The following NTN5 variants were observed in gnomAD, a reference collection of about 807,000 sequenced individuals.
The protein encoded by NTN5 is netrin-5.
A neutral mutation model predicts 38.7 loss-of-function variants in NTN5; 42 were observed. The ratio of observed to expected loss-of-function variants is 1.08; its 90% confidence interval spans 0.85 to 1.40. The LOEUF (loss-of-function observed/expected upper bound fraction) is 1.40, where lower values mean the gene tolerates loss of function less well. NTN5 is among the 40% of genes most tolerant of loss of function. The pLI, the probability that NTN5 is intolerant of heterozygous loss-of-function variation, is 0.00. For missense variants in NTN5, 658 were observed against 716.5 expected (o/e 0.92, Z 0.93); for synonymous variants, 329 against 303.9 (o/e 1.08, Z -0.86).
chr19:48,670,926 C>G lies in NTN5; in HGVS notation c.61G>C (p.Asp21His). 1 of 1,593,984 alleles carries G rather than the reference C, an allele frequency of 6.3e-7. No individual in the cohort carries two copies. Residue 21 changes from aspartate to histidine, a missense_variant, in exon 2 of 7, where the codon GAT becomes CAT. Physicochemically the swap from Asp to His is moderately conservative, Grantham distance 81. Transcript: ENST00000270235. The stretch of plus-strand genomic sequence containing the variant: ...CAGAATTGGGGGCGGCCCTGTGGAT[C>G]GTAGCATGGGTCCGCAGTGGCCTGG... The part of the protein sequence containing the change: ...LGQATADPCY[D>H]PQGRPQFCLP...
intron 2 of NTN5, among the ~76,000 whole-genome samples, chr19:48,669,545 A>AT: frequency 1.7e-5 from 1 of 58,854 alleles, no homozygotes; most frequent in Non-Finnish European, 3.5e-5. Context: ...CACCATCACC[A>AT]CCACCACCAT....
At chr19:48,669,138 T>TCAC (rs2031793612) in intron 2 of NTN5, among the ~76,000 whole-genome samples, 1 of 57,784 alleles carries the variant, frequency 1.7e-5, no homozygotes, top group African/African-American at 7.7e-5. Context: ...CATCATCATA[T>TCAC]CACCATCATC....
chr19:48,671,112 C>G, intron 1 of NTN5, 106 bp from the exon 2 acceptor site: 1 of 757,558 alleles, frequency 1.3e-6, no homozygotes, highest in Non-Finnish European at 2.0e-6. Context: ...CCGTCCAGGC[C>G]CCCTCCCCGG....
chr19:48,671,939 G>A (rs958129973), intron 1 of NTN5, among the ~76,000 whole-genome samples: 1 of 152,036 alleles, frequency 6.6e-6, no homozygotes, highest in African/African-American at 2.4e-5. Flanking sequence ...GCTTGGGAGC[G>A]GGACAGTGGG....
At chr19:48,667,907 G>A (rs2031747151) in intron 2 of NTN5, among the ~76,000 whole-genome samples, 1 of 150,944 alleles carries the variant, frequency 6.6e-6, no homozygotes, top group East Asian at 1.9e-4. Flanking sequence ...CATGGGAGGT[G>A]GAGAGGGAAG....
chr19:48,669,233 A>G (rs1601211048), intron 2 of NTN5, among the ~76,000 whole-genome samples: 1 of 28,768 alleles, frequency 3.5e-5, no homozygotes, highest in Non-Finnish European at 6.2e-5. Flanking sequence ...CACGACCATC[A>G]TCACCACCAC....
In NTN5 at chr19:48,670,873, G is replaced by A. The variant is rs146497712; in HGVS notation, c.114C>T (p.Ala38=). The part of the protein sequence containing the change: ...FCLPPVTQLA[A]VAASCPQACA... ...AGGCCTGAGGGCAGGAGGCCGCCAC[G>A]GCAGCCAGCTGTGTCACTGGCGGGA... Residue 38 remains alanine, a synonymous_variant, in exon 2 of 7, where the codon GCC becomes GCT. Coordinates refer to ENST00000270235, the MANE Select transcript of NTN5 (RefSeq NM_145807.4). 167 of 1,611,226 alleles carry A rather than the reference G, an allele frequency of 1.0e-4. 3 individuals are homozygous for A. In the Middle Eastern group the frequency reaches 1.2e-3, roughly 11 times the overall value.
intron 6 of NTN5, 132 bp downstream of exon 6, chr19:48,663,331 A>G: frequency 1.2e-6 from 1 of 846,906 alleles, no homozygotes. Flanking sequence ...TTTCTAGATC[A>G]GGAAGGGGTT....
intron 2 of NTN5, among the ~76,000 whole-genome samples, chr19:48,669,591 C>A (rs796704982): frequency 7.8e-5 from 1 of 12,864 alleles, no homozygotes. Flanking sequence ...ACCACGACCA[C>A]CATCACCACC....
In NTN5 at chr19:48,670,585, C is replaced by A. The variant is rs547097875; in HGVS notation, c.402G>T (p.Ala134=). 3.2e-6 allele frequency: 5 copies of A among 1,574,734 alleles called. No homozygotes were observed. The East Asian group carries it at 1.2e-4, about 37-fold the overall frequency. ...CAAACTCCACACGGAGGTGGCTGGC[C>A]GCCACAGTGGCCTTAGGACCTGGTG... ...HSTPGPKATV[A]ASHLRVEFGG... Residue 134 remains alanine, a synonymous_variant, in exon 2 of 7, where the codon GCG becomes GCT. Transcript: ENST00000270235.
intron 2 of NTN5, among the ~76,000 whole-genome samples, chr19:48,665,868 C>CT (rs2031691734): frequency 6.6e-6 from 1 of 152,090 alleles, no homozygotes; most frequent in Admixed American, 6.6e-5. Flanking sequence ...GAATCAGACC[C>CT]TTTTAGCCTT....
chr19:48,669,498 C>T (rs796984896), intron 2 of NTN5, among the ~76,000 whole-genome samples: 1 of 71,994 alleles, frequency 1.4e-5, no homozygotes, highest in African/African-American at 5.8e-5. Context: ...ACCATCACCA[C>T]CACCACGACC....
chr19:48,670,966 G>A lies in NTN5; in HGVS notation c.21C>T (p.Leu7=). MPVTFA[L]LLLLGQATAD... The stretch of plus-strand genomic sequence containing the variant: ...CAGTGGCCTGGCCCAGGAGGAGCAG[G>A]AGGGCAAAGGTCACGGGCATGGTCA... The change falls in exon 2 of 7, where the codon CTC becomes CTT. Residue 7 remains leucine, a synonymous_variant. Transcript: ENST00000270235. 1.3e-6 allele frequency: 2 copies of A among 1,543,106 alleles called. No individual in the cohort carries two copies. Among genetic ancestry groups the A allele is most frequent in the Non-Finnish European group, 1.7e-6 (2 of 1,144,508 alleles).
Position 48,670,867 on chromosome 19 carries a change from C to T in NTN5, c.120G>A (p.Ala40=), listed in dbSNP as rs777606668. The change falls in exon 2 of 7, where the codon GCG becomes GCA. Residue 40 remains alanine (A), a synonymous_variant. Transcript: ENST00000270235. ...LPPVTQLAAV[A]ASCPQACALS... The stretch of plus-strand genomic sequence containing the variant: ...GGGCACAGGCCTGAGGGCAGGAGGC[C>T]GCCACGGCAGCCAGCTGTGTCACTG... 1.2e-4 allele frequency: 189 copies of T among 1,611,058 alleles called. No individual in the cohort carries two copies. The highest frequency in any genetic ancestry group is 1.6e-4 in the Middle Eastern group (1 of 6,066).
intron 4 of NTN5, 22 bp downstream of exon 4, chr19:48,664,121 G>A (rs1205917610): frequency 6.3e-7 from 1 of 1,592,316 alleles, no homozygotes; most frequent in South Asian, 1.1e-5. Context: ...TCAGGCTTGT[G>A]GCCTGGCCCC....
Position 48,661,977 on chromosome 19 carries a change from G to C in NTN5, c.1170C>G (p.Arg390=). Residue 390 remains arginine, a synonymous_variant, in exon 7 of 7, where the codon CGC becomes CGG. Coordinates refer to ENST00000270235, the MANE Select transcript of NTN5 (RefSeq NM_145807.4). ...CCCGCTGCTTGTAAACGGCCAGCAC[G>C]CGCACGGCCAGCCGCTGCCATGCCG... The part of the protein sequence containing the change: ...AGPAWQRLAV[R]VLAVYKQRAQ... 1 of 1,476,994 alleles carries C rather than the reference G, an allele frequency of 6.8e-7. No homozygotes were observed. The highest frequency in any genetic ancestry group is 8.9e-7 in the Non-Finnish European group (1 of 1,121,412). The allele number at this position is 1,476,994 out of a possible 1,614,324, so 91.5% of individuals were successfully genotyped here.
chr19:48,666,836 A>G lies in NTN5; in HGVS notation c.632-2069T>C, dbSNP rs183009553. Among the ~76,000 whole-genome samples, 23 of 151,616 alleles carry G rather than the reference A, an allele frequency of 1.5e-4. No homozygotes were observed. The East Asian group carries it at 4.2e-3, about 27-fold the overall frequency. ...GTAGCTGGGTCCACAGGCATGCACC[A>G]CCACACCAGGCTACTTTAAAATTTT... On this transcript the variant is annotated intron_variant, in intron 2 of 6. Coordinates refer to ENST00000270235, the MANE Select transcript of NTN5 (RefSeq NM_145807.4).
At chr19:48,666,189 A>G (rs2031700254) in intron 2 of NTN5, among the ~76,000 whole-genome samples, 1 of 152,202 alleles carries the variant, frequency 6.6e-6, no homozygotes, top group Non-Finnish European at 1.5e-5. Flanking sequence ...AGTTGGAGGC[A>G]GGACTTAAAC....
At chr19:48,667,882 C>T (rs1251584140) in intron 2 of NTN5, among the ~76,000 whole-genome samples, 1 of 151,904 alleles carries the variant, frequency 6.6e-6, no homozygotes, top group Non-Finnish European at 1.5e-5. Context: ...AAATAGAGGG[C>T]CGGGAGGCAA....
Sources: gnomAD v4.1 joint callset for allele counts (sites outside exome capture counted in the v4.1 genomes callset) on GRCh38, gnomAD v4.1.1 for gene constraint, MANE v1.5 for transcripts, NCBI Gene and HGNC (gene_info 2026-07-23, HGNC 2026-07-21) for gene names.